EPB41: variants seen among roughly 807,000 people sequenced by gnomAD.
The protein encoded by EPB41 is erythrocyte membrane protein band 4.1.
In EPB41, 65 loss-of-function variants were observed where a neutral mutation model predicts 108.0. The observed-to-expected ratio is 0.60, with a 90% CI of 0.49 to 0.74. EPB41 has a LOEUF of 0.74. Among genes scored for constraint, EPB41 ranks in the 30% least tolerant of loss-of-function variants. The pLI is 0.00. For synonymous variants in EPB41, 336 were observed against 358.9 expected (o/e 0.94, Z 0.72); for missense variants, 875 against 1,037.0 (o/e 0.84, Z 2.15).
Position 28,887,481 on chromosome 1 carries a change from G to A in EPB41, c.-8+271G>A, listed in dbSNP as rs2089551405. The A allele has an allele frequency of 4.1e-6, 4 of 985,272 alleles. No homozygotes were observed. Among genetic ancestry groups the A allele is most frequent in the Middle Eastern group, 5.2e-4 (1 of 1,914 alleles). 61.0% of individuals were successfully genotyped at this position (985,272 alleles called of 1,614,324 possible). ...CTCGGATCCGGAGCTAGACACGTCC[G>A]GGTCCGGCCGGTCCTGGCTGTCTGG... On this transcript the variant is annotated intron_variant, in intron 1 of 16. Transcript: ENST00000347529. This position sits in a 1 kb window ranked among gnomAD's most constrained non-coding sequence, Gnocchi z 4.9.
chr1:29,084,969 T>C lies in EPB41; in HGVS notation c.2185-12838T>C, dbSNP rs544096176. On this transcript the variant is annotated intron_variant, in intron 16 of 20. Transcript: ENST00000343067. Reference sequence around the variant, plus strand: ...CACTTCAGGAGTTCAAGAAACACCATGTAGGGACTTCCTGTCTTTATTGCT... The same window carrying C: ...CACTTCAGGAGTTCAAGAAACACCACGTAGGGACTTCCTGTCTTTATTGCT... 4.6e-5 allele frequency among the ~76,000 whole-genome samples: 7 copies of C among 152,290 alleles called. No homozygotes were observed. The East Asian group carries it at 1.4e-3, about 29-fold the overall frequency.
chr1:28,906,796 G>A lies in EPB41; in HGVS notation c.-8+19586G>A, dbSNP rs559399020. On this transcript the variant is annotated intron_variant, in intron 1 of 16. Coordinates refer to the EPB41 transcript ENST00000347529. ...TTTTTTTTTCTTTTTTTTTTTTTGAGACGGAGTCTCGCTCTGTTGCCCAGG... is the reference window on the plus strand; with the variant it reads ...TTTTTTTTTCTTTTTTTTTTTTTGAAACGGAGTCTCGCTCTGTTGCCCAGG... Among the ~76,000 whole-genome samples the A allele has an allele frequency of 3.1e-4, 45 of 144,278 alleles. 1 individual carries two copies. The highest frequency in any genetic ancestry group is 3.6e-3 in the Middle Eastern group (1 of 278). 94.7% of individuals were successfully genotyped at this position (144,278 alleles called of 152,430 possible).
intron 17 of EPB41, among the ~76,000 whole-genome samples, chr1:29,103,209 C>A (rs1354070399): frequency 1.3e-5 from 2 of 152,174 alleles, no homozygotes; most frequent in African/African-American, 2.4e-5. Flanking sequence ...GCACCCTGCG[C>A]CCCCAAAATT....
intron 2 of EPB41, among the ~76,000 whole-genome samples, chr1:28,991,239 T>C (rs2096010923): frequency 6.7e-6 from 1 of 150,364 alleles, no homozygotes; most frequent in Non-Finnish European, 1.5e-5. Context: ...AATATAGGAT[T>C]GTACCAGTCT....
intron 17 of EPB41, 29 bp from the exon 18 acceptor site, chr1:29,109,307 A>C: frequency 6.4e-7 from 1 of 1,570,296 alleles, no homozygotes; most frequent in Non-Finnish European, 8.8e-7. Flanking sequence ...CCTGAGAGGC[A>C]TGATGATGAG....
At chr1:29,101,518 A>G (rs1665394048) in intron 17 of EPB41, among the ~76,000 whole-genome samples, 1 of 151,878 alleles carries the variant, frequency 6.6e-6, no homozygotes. Flanking sequence ...TGAGAGTTTA[A>G]TTAGCCAGGC....
intron 11 of EPB41, among the ~76,000 whole-genome samples, chr1:29,045,092 G>T (rs545682305): frequency 6.6e-6 from 1 of 151,986 alleles, no homozygotes; most frequent in African/African-American, 2.4e-5. Context: ...AGCCCTTAGC[G>T]TTATCTTATA....
chr1:29,052,017 A>C (rs547407762), intron 11 of EPB41, among the ~76,000 whole-genome samples: 22 of 152,328 alleles, frequency 1.4e-4, no homozygotes, highest in African/African-American at 5.3e-4. Flanking sequence ...TTTTATTACA[A>C]AGTGTAAATG....
At chr1:29,109,899 C>T (rs1045382112) in intron 18 of EPB41, among the ~76,000 whole-genome samples, 1 of 151,986 alleles carries the variant, frequency 6.6e-6, no homozygotes, top group Non-Finnish European at 1.5e-5. Context: ...CCGGGTGTGG[C>T]GGCATACACC....
chr1:29,102,021 G>C (rs531106871), intron 17 of EPB41, among the ~76,000 whole-genome samples: 3 of 152,208 alleles, frequency 2.0e-5, no homozygotes, highest in African/African-American at 7.2e-5. Context: ...TGTGTCAGTC[G>C]AGAGAGACAG....
rs1004924600 is a variant in EPB41, at chr1:29,112,374, A to G, written c.2422A>G (p.Lys808Glu). 15 of 1,613,134 alleles carry G rather than the reference A, an allele frequency of 9.3e-6. No homozygotes were observed. The highest frequency in any genetic ancestry group is 2.7e-5 in the African/African-American group (2 of 74,766). ...ATCTTCTCTTTGGTTCCAGACTGTA[A>G]AAGGTGGGATTTCAGAGACACGTAT... Reference protein sequence around the residue: ...TTTTQITKTVKGGISETRIEK... With the variant: ...TTTTQITKTVEGGISETRIEK... Residue 808 changes from lysine (K) to glutamate (E), a missense_variant, in exon 19 of 21, where the codon AAA (lysine) becomes GAA (glutamate). By Grantham distance (56) the Lys-to-Glu change is moderately conservative (BLOSUM62 1). Transcript: ENST00000343067.
At chr1:28,975,633 C>T (rs1476651658) in intron 1 of EPB41, among the ~76,000 whole-genome samples, 2 of 152,068 alleles carry the variant, frequency 1.3e-5, no homozygotes, top group African/African-American at 4.8e-5. Flanking sequence ...TTGCCTGTCT[C>T]TTCCTGTCTC....
In EPB41 at chr1:29,117,263, T is replaced by C. The variant is rs1671172459; in HGVS notation, c.*451T>C. On this transcript the variant is annotated 3_prime_UTR_variant, in exon 21 of 21. Coordinates refer to ENST00000343067, the MANE Select transcript of EPB41 (RefSeq NM_001376013.1). Reference sequence around the variant, plus strand: ...GCGTCTCTCCCTAGTCTTATCCCCTTTGGATGATGGCAGAAACTTCATGAA... The same window carrying C: ...GCGTCTCTCCCTAGTCTTATCCCCTCTGGATGATGGCAGAAACTTCATGAA... The C allele has an allele frequency of 6.6e-6, 1 of 152,610 alleles. No homozygotes were observed. The highest frequency in any genetic ancestry group is 1.5e-5 in the Non-Finnish European group (1 of 68,060). The allele number at this position is 152,610 out of a possible 1,614,324, so 9.5% of individuals were successfully genotyped here.
chr1:28,997,248 G>C lies in EPB41; in HGVS notation c.715G>C (p.Val239Leu), dbSNP rs763919964. Residue 239 changes from valine (V) to leucine (L), a missense_variant, in exon 4 of 21, where the codon GTA becomes CTA. Val to Leu is a conservative substitution (Grantham distance 32). This residue lies in a region of EPB41 where 353 missense variants were observed against 393.2 expected (regional missense o/e 0.90). Transcript: ENST00000343067. Reference sequence around the variant, plus strand: ...TAAGGGACAAGATTTGCTTAAACGAGTATGTGAGCATCTCAATCTTTTGGA... The same window carrying C: ...TAAGGGACAAGATTTGCTTAAACGACTATGTGAGCATCTCAATCTTTTGGA... ...HAKGQDLLKRVCEHLNLLEED... is the reference protein window; with the variant it reads ...HAKGQDLLKRLCEHLNLLEED... The C allele has an allele frequency of 6.2e-6, 10 of 1,614,146 alleles. No individual in the cohort carries two copies. The East Asian group carries it at 2.2e-4, about 36-fold the overall frequency.
upstream of EPB41, chr1:28,887,161 G>A (rs1379819144): frequency 4.4e-6 from 5 of 1,132,766 alleles, no homozygotes; most frequent in South Asian, 1.3e-5. This position sits in a 1 kb window ranked among gnomAD's most constrained non-coding sequence, Gnocchi z 4.9. Flanking sequence ...GGGCGAGAGC[G>A]GCGCGGAGCC....
chr1:29,117,459 T>G lies in EPB41; in HGVS notation c.*647T>G, dbSNP rs967913444. On this transcript the variant is annotated 3_prime_UTR_variant, in exon 21 of 21. Transcript: ENST00000343067. The stretch of plus-strand genomic sequence containing the variant: ...ATTGTTTTTCCCCTCTCCCTCCTGC[T>G]TTCTTTTTGGAGCTTCTTTGGGTCA... The G allele has an allele frequency of 1.3e-5, 2 of 152,692 alleles. No individual in the cohort carries two copies. Among genetic ancestry groups the G allele is most frequent in the African/African-American group, 4.8e-5 (2 of 41,450 alleles). 9.5% of individuals were successfully genotyped at this position (152,692 alleles called of 1,614,324 possible). A position where few individuals can be genotyped will look rare whatever the true frequency, so the allele number is the denominator to read the frequency against.
chr1:29,045,961 G>A (rs953074897), intron 11 of EPB41, among the ~76,000 whole-genome samples: 19 of 151,858 alleles, frequency 1.3e-4, no homozygotes, highest in African/African-American at 4.6e-4. Flanking sequence ...GGGCAACAGA[G>A]TGAGACCCTG....
intron 1 of EPB41, chr1:28,889,805 C>A (rs2089904567): frequency 1.0e-6 from 1 of 985,242 alleles, no homozygotes; most frequent in South Asian, 4.7e-5. Flanking sequence ...TTCGGTTATT[C>A]TCTAAGCCTT....
At chr1:28,917,238 ATCTC>A (rs373283904) in intron 1 of EPB41, among the ~76,000 whole-genome samples, 4 of 151,468 alleles carry the variant, frequency 2.6e-5, no homozygotes, top group Middle Eastern at 3.2e-3. Flanking sequence ...TTGCTTTGCC[ATCTC>A]TCTCTCTGTG....
Sources: allele counts gnomAD v4.1 joint callset (sites outside exome capture counted in the v4.1 genomes callset), GRCh38; gene constraint gnomAD v4.1.1; regional missense constraint gnomAD v4.1.1; non-coding constraint Gnocchi (gnomAD v3.1); transcripts MANE v1.5; gene names NCBI Gene and HGNC (gene_info 2026-07-23, HGNC 2026-07-21).